EGFLAM: variants seen among roughly 807,000 people sequenced by gnomAD.
EGFLAM encodes pikachurin.
A neutral mutation model predicts 113.1 loss-of-function variants in EGFLAM; 79 were observed. The ratio of observed to expected loss-of-function variants is 0.70; its 90% CI spans 0.58 to 0.84. EGFLAM has a LOEUF of 0.84. Ranked by LOEUF, EGFLAM falls within the 40% of genes least tolerant of loss-of-function variation. The pLI, the probability that EGFLAM is intolerant of heterozygous loss-of-function variation, is 0.00. For missense variants in EGFLAM, 1,265 were observed against 1,291.6 expected (o/e 0.98, Z 0.32); for synonymous variants, 504 against 487.6 (o/e 1.03, Z -0.44).
intron 1 of EGFLAM, among the ~76,000 whole-genome samples, chr5:38,335,614 T>G (rs1245516034): frequency 6.6e-6 from 1 of 152,120 alleles, no homozygotes; most frequent in African/African-American, 2.4e-5. Flanking sequence ...AGACATTAAA[T>G]CTGGAACAGA....
intron 1 of EGFLAM, among the ~76,000 whole-genome samples, chr5:38,329,501 AAGCTGAGTCACTTCC>A (rs1215488103): frequency 6.6e-5 from 10 of 152,064 alleles, no homozygotes; most frequent in Non-Finnish European, 1.2e-4. Context: ...GTGGGTGGTC[AAGCTGAGTCACTTCC>A]AGCTGAGTGA....
chr5:38,381,403 G>A (rs1279786467), intron 6 of EGFLAM, among the ~76,000 whole-genome samples: 1 of 152,116 alleles, frequency 6.6e-6, no homozygotes, highest in East Asian at 1.9e-4. Context: ...TGAGTTTGAT[G>A]GATCTCATCT....
intron 1 of EGFLAM, among the ~76,000 whole-genome samples, chr5:38,262,709 A>G (rs1471280563): frequency 6.6e-6 from 1 of 152,200 alleles, no homozygotes; most frequent in Non-Finnish European, 1.5e-5. Flanking sequence ...ATGGAATTCC[A>G]GTTTGTTTAA....
At chr5:38,322,282 G>A (rs56404740) in intron 1 of EGFLAM, among the ~76,000 whole-genome samples, 23,180 of 152,190 alleles carry the variant, frequency 0.15, 2,088 homozygotes, top group African/African-American at 0.25. Context: ...GGCCACTGAG[G>A]ACCAGGAAAA....
chr5:38,359,075 C>T (rs1228444476), intron 5 of EGFLAM, among the ~76,000 whole-genome samples: 2 of 152,074 alleles, frequency 1.3e-5, no homozygotes, highest in Non-Finnish European at 2.9e-5. Flanking sequence ...ATCTGAGAAA[C>T]CTTCCCCCTT....
At chr5:38,400,270 C>G (rs904362498) in intron 6 of EGFLAM, among the ~76,000 whole-genome samples, 4 of 152,182 alleles carry the variant, frequency 2.6e-5, no homozygotes, top group African/African-American at 9.6e-5. Flanking sequence ...TTTATTAAAA[C>G]AAAGCACAGG....
At position 38,356,182 on chromosome 5, in the gene EGFLAM, A is replaced by G. The variant is rs199720376; in HGVS notation, c.545+3851A>G. Among the ~76,000 whole-genome samples the G allele has an allele frequency of 1.8e-4, 27 of 152,342 alleles. No individual in the cohort carries two copies. The East Asian group carries it at 4.2e-3, about 24-fold the overall frequency. On this transcript the variant is annotated intron_variant, in intron 5 of 21. Transcript: ENST00000322350. ...TTAGTTTCAAATTTAGAATTCTTATAGTCGTTGAATTCCAAATGGAACATG... is the reference window on the plus strand; with the variant it reads ...TTAGTTTCAAATTTAGAATTCTTATGGTCGTTGAATTCCAAATGGAACATG...
At chr5:38,446,849 C>G (rs962481417) in intron 17 of EGFLAM, among the ~76,000 whole-genome samples, 1 of 150,484 alleles carries the variant, frequency 6.6e-6, no homozygotes, top group Admixed American at 6.6e-5. Flanking sequence ...TGTTTCCGCT[C>G]TTTTTTTATG....
At position 38,427,201 on chromosome 5, in the gene EGFLAM, G is replaced by A. The variant is rs1323751483; in HGVS notation, c.2003G>A (p.Gly668Glu). Residue 668 changes from glycine (G) to glutamate (E), a missense_variant, in exon 14 of 22, where the codon GGG becomes GAG. Transcript: ENST00000322350. ...GACTTCCTGTCCATCAACTTGGCAG[G>A]GGGCCACGTGGAGTTCCGCTTTGAC... Reference protein sequence around the residue: ...SKDFLSINLAGGHVEFRFDCG... With the variant: ...SKDFLSINLAEGHVEFRFDCG... The A allele has an allele frequency of 1.9e-6, 3 of 1,614,152 alleles. No individual in the cohort carries two copies. The highest frequency in any genetic ancestry group is 1.7e-4 in the Middle Eastern group (1 of 6,060).
chr5:38,377,621 G>T (rs1240976504), intron 6 of EGFLAM, among the ~76,000 whole-genome samples: 2 of 152,210 alleles, frequency 1.3e-5, no homozygotes, highest in African/African-American at 4.8e-5. Context: ...GGAAACAGTT[G>T]TTCTAGAAAC....
intron 1 of EGFLAM, among the ~76,000 whole-genome samples, chr5:38,333,416 C>A (rs2111932410): frequency 6.6e-6 from 1 of 152,332 alleles, no homozygotes; most frequent in East Asian, 1.9e-4. Context: ...ATACTCCCAC[C>A]AACAGCGTAT....
chr5:38,378,128 C>T (rs935116770), intron 6 of EGFLAM, among the ~76,000 whole-genome samples: 8 of 152,174 alleles, frequency 5.3e-5, no homozygotes. Context: ...GAGACAAACT[C>T]CCTCTGGCTC....
At chr5:38,311,274 C>T (rs1011208576) in intron 1 of EGFLAM, among the ~76,000 whole-genome samples, 2 of 152,126 alleles carry the variant, frequency 1.3e-5, no homozygotes, top group Non-Finnish European at 2.9e-5. Context: ...CTGCAGTCAT[C>T]ATGTTGTACA....
intron 1 of EGFLAM, among the ~76,000 whole-genome samples, chr5:38,312,476 G>A (rs975386462): frequency 1.1e-4 from 17 of 152,116 alleles, no homozygotes; most frequent in Non-Finnish European, 1.6e-4. Flanking sequence ...TGCTGACCTC[G>A]TGATCCGCCC....
At chr5:38,304,656 G>A (rs1758681471) in intron 1 of EGFLAM, among the ~76,000 whole-genome samples, 1 of 152,124 alleles carries the variant, frequency 6.6e-6, no homozygotes, top group Admixed American at 6.5e-5. Context: ...CACACACAAA[G>A]TTTACAATGA....
intron 1 of EGFLAM, among the ~76,000 whole-genome samples, chr5:38,327,156 A>G (rs1738912614): frequency 6.6e-6 from 1 of 152,198 alleles, no homozygotes; most frequent in South Asian, 2.1e-4. Flanking sequence ...AAAGATCTGC[A>G]TCATTCATCA....
chr5:38,336,701 GAAC>G (rs1739196413), intron 1 of EGFLAM, among the ~76,000 whole-genome samples: 1 of 151,782 alleles, frequency 6.6e-6, no homozygotes, highest in Non-Finnish European at 1.5e-5. Flanking sequence ...ACGCTCAAGG[GAAC>G]TGCCCATTGA....
intron 17 of EGFLAM, among the ~76,000 whole-genome samples, chr5:38,439,624 TTTC>T (rs1237992329): frequency 6.6e-6 from 1 of 152,212 alleles, no homozygotes; most frequent in African/African-American, 2.4e-5. Flanking sequence ...CTTAGTAGTA[TTTC>T]TTATGTTTAA....
rs765703860 is a variant in EGFLAM at position 38,427,150 on chromosome 5, T to A, written c.1952T>A (p.Leu651Gln). Reference sequence around the variant, plus strand: ...CCAGACTCAGGAGATGGTGTCCTCCTGTACAGCTATGACACAGGCAGCAAA... The same window carrying A: ...CCAGACTCAGGAGATGGTGTCCTCCAGTACAGCTATGACACAGGCAGCAAA... ...FRPDSGDGVL[L>Q]YSYDTGSKDF... is the part of the protein sequence containing the mutation. The change falls in exon 14 of 22, where the codon CTG becomes CAG. Residue 651 changes from leucine to glutamine, a missense_variant. Coordinates refer to ENST00000322350, the MANE Select transcript of EGFLAM (RefSeq NM_152403.4). 3.1e-6 allele frequency: 5 copies of A among 1,614,174 alleles called. No homozygotes were observed. The highest frequency in any genetic ancestry group is 4.2e-6 in the Non-Finnish European group (5 of 1,180,024).
Sources: gnomAD v4.1 joint callset for allele counts (sites outside exome capture counted in the v4.1 genomes callset) on GRCh38, gnomAD v4.1.1 for gene constraint, MANE v1.5 for transcripts, NCBI Gene and HGNC (gene_info 2026-07-23, HGNC 2026-07-21) for gene names.